PLCB1: variants seen among roughly 807,000 people sequenced by gnomAD.
PLCB1 encodes 1-phosphatidylinositol 4,5-bisphosphate phosphodiesterase beta-1.
Under a neutral mutation model 161.8 loss-of-function variants are expected in PLCB1, and 46 were observed. The ratio of observed to expected loss-of-function variants is 0.28; its 90% CI spans 0.22 to 0.36. The LOEUF is 0.36. Among genes scored for constraint, PLCB1 ranks in the 10% least tolerant of loss-of-function variants. The pLI is 1.00. For synonymous variants in PLCB1, 517 were observed against 503.7 expected (o/e 1.03, Z -0.35); for missense variants, 1,016 against 1,472.5 (o/e 0.69, Z 5.07).
Position 8,837,423 on chromosome 20 carries a change from C to A in PLCB1, c.3424-44199C>A, listed in dbSNP as rs571271421. 6.6e-5 allele frequency among the ~76,000 whole-genome samples: 10 copies of A among 152,266 alleles called. No homozygotes were observed. The South Asian group carries it at 2.1e-3, about 32-fold the overall frequency. On this transcript the variant is annotated intron_variant, in intron 31 of 31. Transcript: ENST00000338037. ...ACATAGGATAATGGTAGGAGAAACACAAATTAGATCAAAATGAATTTATTG... is the reference window on the plus strand; with the variant it reads ...ACATAGGATAATGGTAGGAGAAACAAAAATTAGATCAAAATGAATTTATTG...
intron 2 of PLCB1, among the ~76,000 whole-genome samples, chr20:8,214,919 C>T (rs1489813744): frequency 6.6e-6 from 1 of 152,052 alleles, no homozygotes; most frequent in Non-Finnish European, 1.5e-5. Context: ...CTGTGGAGGG[C>T]AAGACAGACA....
chr20:8,319,915 G>A (rs1312128948), intron 2 of PLCB1, among the ~76,000 whole-genome samples: 3 of 151,998 alleles, frequency 2.0e-5, no homozygotes, highest in Non-Finnish European at 1.5e-5. Flanking sequence ...GTTAATGGGT[G>A]CAGCACACCA....
chr20:8,685,767 CT>C lies in PLCB1; in HGVS notation c.1009+694del, dbSNP rs200772741. Among the ~76,000 whole-genome samples the C allele has an allele frequency of 2.7e-3, 409 of 151,922 alleles. 5 individuals carry two copies. The highest frequency in any genetic ancestry group is 0.023 in the Admixed American group (357 of 15,240). ...GAAAAAAAAAAGAATTAAGTAATTG[CT>C]TTTTGTTCAAGGTAGGACAGGGCTT... is the stretch of plus-strand genomic sequence containing the variant. On this transcript the variant is annotated intron_variant, in intron 10 of 31. Coordinates refer to ENST00000338037, the MANE Select transcript of PLCB1 (RefSeq NM_015192.4).
At chr20:8,289,480 G>A (rs1393958599) in intron 2 of PLCB1, among the ~76,000 whole-genome samples, 1 of 152,102 alleles carries the variant, frequency 6.6e-6, no homozygotes. Flanking sequence ...CGGTGAAATA[G>A]GTTCTATTAT....
At chr20:8,706,196 G>T (rs1978660611) in intron 11 of PLCB1, among the ~76,000 whole-genome samples, 2 of 152,210 alleles carry the variant, frequency 1.3e-5, no homozygotes, top group Non-Finnish European at 2.9e-5. Flanking sequence ...AAGAGAAAGA[G>T]AAATGGCTGG....
chr20:8,470,264 A>T (rs1455875542), intron 3 of PLCB1, among the ~76,000 whole-genome samples: 1 of 152,166 alleles, frequency 6.6e-6, no homozygotes, highest in South Asian at 2.1e-4. Flanking sequence ...ATATGTTTTC[A>T]TGTATCTTTG....
chr20:8,430,951 C>T (rs1036079163), intron 3 of PLCB1, among the ~76,000 whole-genome samples: 2 of 151,538 alleles, frequency 1.3e-5, no homozygotes, highest in Admixed American at 1.3e-4. Context: ...AGAGCAAGAC[C>T]ATGTCTCAAA....
chr20:8,718,713 G>T (rs1013770459), intron 14 of PLCB1, among the ~76,000 whole-genome samples: 1 of 152,148 alleles, frequency 6.6e-6, no homozygotes, highest in African/African-American at 2.4e-5. Context: ...TATCATGCAA[G>T]CTAACATATT....
chr20:8,721,629 C>G (rs2327096), intron 14 of PLCB1, among the ~76,000 whole-genome samples: 100,881 of 152,084 alleles, frequency 0.66, 35,629 homozygotes, highest in South Asian at 0.8. Context: ...TATTTAAGGA[C>G]TTACCCATGT....
intron 31 of PLCB1, among the ~76,000 whole-genome samples, chr20:8,800,945 C>T (rs1455438843): frequency 6.6e-6 from 1 of 152,152 alleles, no homozygotes; most frequent in African/African-American, 2.4e-5. Context: ...AGCCTCCAAA[C>T]TGGTCTTCCT....
intron 25 of PLCB1, among the ~76,000 whole-genome samples, chr20:8,764,803 A>G (rs1407733179): frequency 6.6e-6 from 1 of 152,076 alleles, no homozygotes; most frequent in Admixed American, 6.5e-5. Flanking sequence ...CTCCTTCCCC[A>G]GCCCCGTCTG....
intron 3 of PLCB1, among the ~76,000 whole-genome samples, chr20:8,600,226 T>C (rs1216123617): frequency 3.9e-5 from 5 of 128,994 alleles, no homozygotes; most frequent in Admixed American, 7.7e-5. Flanking sequence ...CCCATCTTTG[T>C]GGTTTTATCT....
chr20:8,444,671 TAA>T (rs1159244094), intron 3 of PLCB1, among the ~76,000 whole-genome samples: 1 of 152,216 alleles, frequency 6.6e-6, no homozygotes, highest in Admixed American at 6.5e-5. Context: ...ACCAACAATG[TAA>T]AAGTGTTCCT....
intron 25 of PLCB1, among the ~76,000 whole-genome samples, chr20:8,761,976 A>AGCG (rs1555788722): frequency 4.8e-5 from 7 of 146,372 alleles, no homozygotes; most frequent in African/African-American, 1.5e-4. Context: ...GGGGAGGCCA[A>AGCG]GGGGGGGGCG....
At chr20:8,453,058 C>T (rs1981144210) in intron 3 of PLCB1, among the ~76,000 whole-genome samples, 1 of 152,204 alleles carries the variant, frequency 6.6e-6, no homozygotes, top group African/African-American at 2.4e-5. Flanking sequence ...ATCATGGTTT[C>T]TTCTCCTTAT....
chr20:8,190,927 A>C (rs2051963580), intron 2 of PLCB1, among the ~76,000 whole-genome samples: 1 of 152,078 alleles, frequency 6.6e-6, no homozygotes, highest in Admixed American at 6.6e-5. Context: ...GCCAGTACAT[A>C]GTAAGCTAAT....
intron 3 of PLCB1, among the ~76,000 whole-genome samples, chr20:8,404,916 A>G (rs941951884): frequency 3.3e-5 from 5 of 152,326 alleles, no homozygotes; most frequent in Non-Finnish European, 7.3e-5. Context: ...CCAGATTAGC[A>G]AAATGAGCAA....
chr20:8,311,156 A>G (rs1035618859), intron 2 of PLCB1, among the ~76,000 whole-genome samples: 1 of 152,208 alleles, frequency 6.6e-6, no homozygotes, highest in African/African-American at 2.4e-5. Context: ...AAACTTGTAA[A>G]TGCCCACTTG....
rs558302111 is a variant in PLCB1 at position 8,657,070 on chromosome 20, G to A, written c.595-114G>A. On this transcript the variant is annotated intron_variant, in intron 7 of 31. Transcript: ENST00000338037. ...GAAAGGAAAGAGAGAGGGAGAAGGT[G>A]AGGGAAGGGGGGAAGAAAAGAAAGG... The A allele has an allele frequency of 7.9e-4, 531 of 676,134 alleles. 4 individuals are homozygous for A. The African/African-American group carries it at 8.5e-3, about 11-fold the overall frequency. The allele number at this position is 676,134 out of a possible 1,614,324, so 41.9% of individuals were successfully genotyped here. A position where few individuals can be genotyped will look rare whatever the true frequency, so the allele number is the denominator to read the frequency against.
Sources: gnomAD v4.1 joint callset for allele counts (sites outside exome capture counted in the v4.1 genomes callset) on GRCh38, gnomAD v4.1.1 for gene constraint, MANE v1.5 for transcripts, NCBI Gene and HGNC (gene_info 2026-07-23, HGNC 2026-07-21) for gene names.